OSER1: variants seen among roughly 807,000 people sequenced by gnomAD.
OSER1 encodes the protein oxidative stress-responsive serine-rich protein 1.
OSER1 carries 15 observed loss-of-function variants against 26.3 expected under a neutral mutation model. The observed-to-expected ratio is 0.57, with a 90% CI of 0.38 to 0.88. OSER1 has a LOEUF of 0.88. Ranked by LOEUF, OSER1 falls within the 40% of genes least tolerant of loss-of-function variation. The probability of loss-of-function intolerance (pLI) is 0.00; values close to 1 mark genes in which losing one functional copy is unlikely to be tolerated. For synonymous variants in OSER1, 127 were observed against 128.2 expected, an observed-to-expected ratio of 0.99 and a Z score of 0.07; for missense variants, 313 against 353.9, an observed-to-expected ratio of 0.88 and a Z score of 0.93.
intron 3 of OSER1, among the ~76,000 whole-genome samples, chr20:44,200,213 A>G (rs1157950574): frequency 6.6e-6 from 1 of 152,166 alleles, no homozygotes; most frequent in African/African-American, 2.4e-5. Context: ...CAAGACTCCA[A>G]CCAATGCTGG....
chr20:44,208,022 GAAGAA>G (rs1207415273), intron 1 of OSER1, among the ~76,000 whole-genome samples: 1 of 151,858 alleles, frequency 6.6e-6, no homozygotes, highest in Non-Finnish European at 1.5e-5. Flanking sequence ...GAGAGAATCA[GAAGAA>G]AAGTACCACA....
At chr20:44,211,618 A>G (rs1455726175), upstream of OSER1, among the ~76,000 whole-genome samples, 18 of 152,176 alleles carry the variant, frequency 1.2e-4, no homozygotes, top group Admixed American at 1.2e-3. Flanking sequence ...TTTTGCAAAA[A>G]GATTTAGGCA....
At position 44,197,682 on chromosome 20, in the gene OSER1, C is replaced by A. The variant is rs1321139792; in HGVS notation, c.249G>T (p.Lys83Asn). The change falls in exon 4 of 4, where the codon AAG becomes AAT. Residue 83 changes from lysine to asparagine, a missense_variant. By Grantham distance (94) the Lys-to-Asn change is moderately conservative (BLOSUM62 0). This residue lies in a region of OSER1 where 300 missense variants were observed against 318.3 expected (regional missense o/e 0.94). Coordinates refer to ENST00000255174, the MANE Select transcript of OSER1 (RefSeq NM_016470.8). ...ACTTTGGAGGATGAAGGACAGGAGA[C>A]TTAGAACGTCGACGACGCTGAGTTC... is the stretch of plus-strand genomic sequence containing the variant. ...AVRTQRRRRSKSPVLHPPKFI... is the reference protein window; with the variant it reads ...AVRTQRRRRSNSPVLHPPKFI... 1.9e-6 allele frequency: 3 copies of A among 1,614,024 alleles called. No homozygotes were observed. The East Asian group carries it at 6.7e-5, about 36-fold the overall frequency.
At position 44,198,028 on chromosome 20, in the gene OSER1, C is replaced by G. The variant is rs574083112; in HGVS notation, c.192-289G>C. Among the ~76,000 whole-genome samples the G allele has an allele frequency of 4.6e-5, 7 of 152,320 alleles. No homozygotes were observed. The South Asian group carries it at 1.4e-3, about 32-fold the overall frequency. ...ACAGAACACCTGCCCTGTTCCAACT[C>G]TAAGCTTGGGAGCCTTTGACCAGTG... On this transcript the variant is annotated intron_variant, in intron 3 of 3. Coordinates refer to ENST00000255174, the MANE Select transcript of OSER1 (RefSeq NM_016470.8).
rs2232290 is a variant in OSER1 at position 44,197,205 on chromosome 20, G to A, written c.726C>T (p.His242=). 7,348 of 1,614,202 alleles carry A rather than the reference G, an allele frequency of 4.6e-3. 301 individuals are homozygous for A. The African/African-American group carries it at 0.084, about 18-fold the overall frequency. ...STLEDYSQSL[H]ARTLSGSPRS... ...GGGGAGAGCCAGACAGAGTTCTGGC[G>A]TGCAGCGACTGAGAGTAGTCCTCAA... The change falls in exon 4 of 4, where the codon CAC becomes CAT. Residue 242 remains histidine, a synonymous_variant. Transcript: ENST00000255174.
At chr20:44,208,108 G>GCCCCCCCCCCC (rs71959463) in intron 1 of OSER1, among the ~76,000 whole-genome samples, 1 of 97,848 alleles carries the variant, frequency 1.0e-5, no homozygotes, top group Non-Finnish European at 2.1e-5. Context: ...GCCTTTACCC[G>GCCCCCCCCCCC]CCCCCCCCCG....
chr20:44,197,698 C>T lies in OSER1; in HGVS notation c.233G>A (p.Arg78His), dbSNP rs752110025. The change falls in exon 4 of 4, where the codon CGT (arginine) becomes CAT (histidine). Residue 78 changes from arginine (R) to histidine (H), a missense_variant. Arg to His is a conservative substitution (Grantham distance 29). This residue lies in a region of OSER1 where 300 missense variants were observed against 318.3 expected (regional missense o/e 0.94). Coordinates refer to ENST00000255174, the MANE Select transcript of OSER1 (RefSeq NM_016470.8). ...KSSRGAVRTQ[R>H]RRRSKSPVLH... Reference sequence around the variant, plus strand: ...GACAGGAGACTTAGAACGTCGACGACGCTGAGTTCTCACTGCTCCTCGTGA... The same window carrying T: ...GACAGGAGACTTAGAACGTCGACGATGCTGAGTTCTCACTGCTCCTCGTGA... The T allele has an allele frequency of 2.5e-6, 4 of 1,613,806 alleles. No individual in the cohort carries two copies. Among genetic ancestry groups the T allele is most frequent in the South Asian group, 1.1e-5 (1 of 91,078 alleles).
Position 44,196,053 on chromosome 20 carries a change from G to A in OSER1, c.*999C>T, listed in dbSNP as rs568889669. 5.9e-5 allele frequency among the ~76,000 whole-genome samples: 9 copies of A among 152,154 alleles called. No homozygotes were observed. The highest frequency in any genetic ancestry group is 3.9e-4 in the Admixed American group (6 of 15,278). On this transcript the variant is annotated 3_prime_UTR_variant, in exon 4 of 4. Transcript: ENST00000255174. The stretch of plus-strand genomic sequence containing the variant: ...TTGGTGGCTCTGCTCAGGATGGTCT[G>A]AACACATGCAACATTCTTTTTGGAG...
At chr20:44,205,792 C>T (rs373038898) in intron 2 of OSER1, among the ~76,000 whole-genome samples, 1 of 151,914 alleles carries the variant, frequency 6.6e-6, no homozygotes, top group East Asian at 1.9e-4. Flanking sequence ...TACAAAAAAT[C>T]AGCCAGGTGT....
Position 44,197,461 on chromosome 20 carries a change from A to G in OSER1, c.470T>C (p.Leu157Pro). 6.2e-7 allele frequency: 1 copy of G among 1,614,088 alleles called. No individual in the cohort carries two copies. Among genetic ancestry groups the G allele is most frequent in the East Asian group, 2.2e-5 (1 of 44,878 alleles). The change falls in exon 4 of 4, where the codon CTC (leucine) becomes CCC (proline). Residue 157 changes from leucine (L) to proline (P), a missense_variant. By Grantham distance (98) the Leu-to-Pro change is moderately conservative (BLOSUM62 -3). Around this residue, in one of 2 missense-constraint regions of OSER1, gnomAD observed 300 missense variants for 318.3 expected, o/e 0.94. Coordinates refer to ENST00000255174, the MANE Select transcript of OSER1 (RefSeq NM_016470.8). ...GTCTTCCTTCTTACTCTCTGATGGG[A>G]GCCTTGGAACAGAAGTTCTCAAAGG... is the stretch of plus-strand genomic sequence containing the variant. ...VEPLRTSVPR[L>P]PSESKKEDSS...
At chr20:44,209,321 CTTT>C (rs1007207666) in intron 1 of OSER1, among the ~76,000 whole-genome samples, 2 of 152,206 alleles carry the variant, frequency 1.3e-5, no homozygotes, top group African/African-American at 4.8e-5. Flanking sequence ...TTACTACTCA[CTTT>C]TTTTCTCAGT....
upstream of OSER1, among the ~76,000 whole-genome samples, chr20:44,211,511 C>A (rs1432775674): frequency 6.6e-6 from 1 of 152,116 alleles, no homozygotes; most frequent in African/African-American, 2.4e-5. Flanking sequence ...GAAGTTGAAC[C>A]TTATCGGTGA....
In OSER1 at chr20:44,197,743, A is replaced by G; in HGVS notation, c.192-4T>C. 6.3e-7 allele frequency: 1 copy of G among 1,588,522 alleles called. No homozygotes were observed. The highest frequency in any genetic ancestry group is 8.6e-7 in the Non-Finnish European group (1 of 1,160,152). ...TCGTGAAGACTTCCTTGTAGACCTA[A>G]AGAGGAAAAAAAATATACAAGAAGA... On this transcript the variant is annotated splice_polypyrimidine_tract_variant and splice_region_variant and intron_variant, in intron 3 of 3. Coordinates refer to ENST00000255174, the MANE Select transcript of OSER1 (RefSeq NM_016470.8).
intron 1 of OSER1, 73 bp from the exon 2 acceptor site, chr20:44,207,071 G>GA (rs200554027): frequency 0.012 from 7,858 of 629,468 alleles, 55 homozygotes; most frequent in African/African-American, 0.038. Flanking sequence ...ATTACTGTTA[G>GA]AAAAAAAAAG....
At chr20:44,211,099 T>C (rs2073103121), upstream of OSER1, 1 of 152,420 alleles carries the variant, frequency 6.6e-6, no homozygotes. Flanking sequence ...GGCGTCATTC[T>C]TCACAGTAGT....
At chr20:44,202,011 A>G (rs1479323189) in intron 3 of OSER1, among the ~76,000 whole-genome samples, 5 of 152,258 alleles carry the variant, frequency 3.3e-5, no homozygotes, top group African/African-American at 1.2e-4. Context: ...TGAATAAAAC[A>G]GAAAAAAATA....
At chr20:44,198,357 C>T (rs367952797) in intron 3 of OSER1, among the ~76,000 whole-genome samples, 3 of 152,172 alleles carry the variant, frequency 2.0e-5, no homozygotes, top group Admixed American at 6.5e-5. Context: ...CGGTGGCTCA[C>T]GCCTGTAATC....
At chr20:44,203,122 GA>G (rs1387171351) in intron 2 of OSER1, 48 bp from the exon 3 acceptor site, 2 of 980,326 alleles carry the variant, frequency 2.0e-6, no homozygotes, top group African/African-American at 1.6e-5. Context: ...GTAAAATGAG[GA>G]GAACATATTG....
chr20:44,210,526 C>T (rs889190105), intron 1 of OSER1, among the ~76,000 whole-genome samples, 170 bp downstream of exon 1: 1 of 152,106 alleles, frequency 6.6e-6, no homozygotes, highest in South Asian at 2.1e-4. Context: ...AGGCACAGGC[C>T]GCGGCAGATA....
Sources: gnomAD v4.1 joint callset for allele counts (sites outside exome capture counted in the v4.1 genomes callset) on GRCh38, gnomAD v4.1.1 for gene constraint, gnomAD v4.1.1 regional missense constraint, MANE v1.5 for transcripts, NCBI Gene and HGNC (gene_info 2026-07-23, HGNC 2026-07-21) for gene names.